The following CYP51A1 variants were observed in gnomAD, a reference collection of about 807,000 sequenced individuals.
CYP51A1 encodes the protein lanosterol 14-alpha demethylase.
CYP51A1 carries 45 observed loss-of-function variants against 53.5 expected under a neutral mutation model. That is an observed-to-expected ratio of 0.84 (90% CI 0.66 to 1.08). CYP51A1 has a LOEUF of 1.08. Ranked by LOEUF, CYP51A1 falls within the 50% of genes least tolerant of loss-of-function variation. The probability of loss-of-function intolerance (pLI) is 0.00; values close to 1 mark genes in which losing one functional copy is unlikely to be tolerated. For synonymous variants in CYP51A1, 181 were observed against 217.7 expected, an observed-to-expected ratio of 0.83 and a Z score of 1.48; for missense variants, 462 against 621.7, an observed-to-expected ratio of 0.74 and a Z score of 2.73.
At chr7:92,119,393 T>C (rs561317005) in intron 7 of CYP51A1, among the ~76,000 whole-genome samples, 1 of 152,316 alleles carries the variant, frequency 6.6e-6, no homozygotes, top group South Asian at 2.1e-4. Flanking sequence ...GGCAGACTTG[T>C]AACTGCCTGT....
chr7:92,119,297 A>G (rs1819638634), intron 7 of CYP51A1, among the ~76,000 whole-genome samples: 2 of 152,174 alleles, frequency 1.3e-5, no homozygotes, highest in Non-Finnish European at 1.5e-5. Flanking sequence ...GGCCACACAT[A>G]TGTATAAGAC....
rs868344904 is a variant in CYP51A1, at chr7:92,112,548, G to A, written c.*1117C>T. The A allele has an allele frequency of 3.3e-5, 5 of 152,212 alleles. No individual in the cohort carries two copies. Among genetic ancestry groups the A allele is most frequent in the South Asian group, 2.1e-4 (1 of 4,826 alleles). The allele number at this position is 152,212 out of a possible 1,614,324, so 9.4% of individuals were successfully genotyped here. On this transcript the variant is annotated 3_prime_UTR_variant, in exon 10 of 10. Transcript: ENST00000003100. ...TGGATTCTAGAGAGGAAGCAGGGAA[G>A]GCCAGGTGCGGTGGCTCATGCCTGT...
chr7:92,128,810 A>C (rs1819860531), intron 3 of CYP51A1, 70 bp downstream of exon 3: 1 of 1,322,666 alleles, frequency 7.6e-7, no homozygotes, highest in Non-Finnish European at 1.0e-6. Flanking sequence ...TTAAATGTAT[A>C]ATGTCTCACT....
chr7:92,119,940 G>A (rs531179258), intron 7 of CYP51A1, among the ~76,000 whole-genome samples: 32 of 152,092 alleles, frequency 2.1e-4, no homozygotes, highest in South Asian at 1.0e-3. Flanking sequence ...AGAAATTCAA[G>A]AACTGAGAAG....
intron 4 of CYP51A1, 86 bp from the exon 5 acceptor site, chr7:92,126,513 C>G: frequency 8.5e-7 from 1 of 1,179,662 alleles, no homozygotes; most frequent in Non-Finnish European, 1.2e-6. Flanking sequence ...CAAGAAGAAA[C>G]AAGATCCTAT....
In CYP51A1 at chr7:92,118,729, G is replaced by A; in HGVS notation, c.1087-114C>T. ...AGCTTGCATTCCAGCTAAAAGTACA[G>A]AGGTAACTGGTTCAGGGTGGCTGGG... On this transcript the variant is annotated intron_variant, in intron 7 of 9. Transcript: ENST00000003100. 4.6e-6 allele frequency: 3 copies of A among 655,896 alleles called. No individual in the cohort carries two copies. The South Asian group carries it at 5.1e-5, about 11-fold the overall frequency. The allele number at this position is 655,896 out of a possible 1,614,324, so 40.6% of individuals were successfully genotyped here.
At position 92,117,132 on chromosome 7, in the gene CYP51A1, C is replaced by T. The variant is rs141654764; in HGVS notation, c.1263G>A (p.Trp421Ter). 10 of 1,613,936 alleles carry T rather than the reference C, an allele frequency of 6.2e-6. No homozygotes were observed. In the African/African-American group the frequency reaches 1.2e-4, roughly 19 times the overall value. Reference protein sequence around the residue: ...PTVNQRLKDSWVERLDFNPDR... With the variant: ...PTVNQRLKDS Reference sequence around the variant, plus strand: ...CAGGATTAAAGTCCAGGCGTTCTACCCATGAGTCTTTAAGTCTTTGATTGA... The same window carrying T: ...CAGGATTAAAGTCCAGGCGTTCTACTCATGAGTCTTTAAGTCTTTGATTGA... Residue 421 changes from tryptophan (W) to a stop codon, truncating the protein, a stop_gained, in exon 9 of 10, where the codon TGG becomes TGA. Coordinates refer to ENST00000003100, the MANE Select transcript of CYP51A1 (RefSeq NM_000786.4). LOFTEE classifies it high-confidence loss of function.
chr7:92,129,985 G>C (rs536749120), intron 2 of CYP51A1, among the ~76,000 whole-genome samples: 8 of 152,130 alleles, frequency 5.3e-5, no homozygotes, highest in Non-Finnish European at 1.0e-4. Context: ...AAGCCATTTT[G>C]AGGAAGTTTT....
intron 2 of CYP51A1, among the ~76,000 whole-genome samples, chr7:92,130,410 A>G (rs1334830041): frequency 6.6e-6 from 1 of 152,214 alleles, no homozygotes; most frequent in Non-Finnish European, 1.5e-5. Context: ...TGTTATCATT[A>G]ATAAAAGTAT....
Position 92,134,348 on chromosome 7 carries a change from C to G in CYP51A1, c.17G>C (p.Gly6Ala). 1.3e-6 allele frequency: 2 copies of G among 1,582,320 alleles called. No homozygotes were observed. The change falls in exon 1 of 10, where the codon GGG becomes GCG. Residue 6 changes from glycine (G) to alanine (A), a missense_variant. By Grantham distance (60) the Gly-to-Ala change is moderately conservative (BLOSUM62 0). Coordinates refer to ENST00000003100, the MANE Select transcript of CYP51A1 (RefSeq NM_000786.4). ...CTGCAGCAAGCCCAGCAGCAGCATC[C>G]CAGCCGCCGCCGCCATTCACTCCGT... MAAAA[G>A]MLLLGLLQAG...
intron 3 of CYP51A1, among the ~76,000 whole-genome samples, chr7:92,128,465 T>TGTGTGC (rs1563181281): frequency 2.7e-5 from 4 of 146,056 alleles, no homozygotes; most frequent in Non-Finnish European, 4.6e-5. Flanking sequence ...TGCGCGTGCG[T>TGTGTGC]GTGTGTGTGT....
intron 3 of CYP51A1, among the ~76,000 whole-genome samples, chr7:92,128,301 G>C (rs2130954103): frequency 6.6e-6 from 1 of 152,240 alleles, no homozygotes; most frequent in Middle Eastern, 3.4e-3. Flanking sequence ...AGCCATGACA[G>C]CAAATATAAA....
At chr7:92,117,334 G>T in intron 8 of CYP51A1, 122 bp from the exon 9 acceptor site, 1 of 757,804 alleles carries the variant, frequency 1.3e-6, no homozygotes, top group Non-Finnish European at 2.1e-6. Context: ...ACTTATGATA[G>T]GTTTACATCC....
intron 1 of CYP51A1, among the ~76,000 whole-genome samples, chr7:92,133,957 G>T (rs1819982739): frequency 2.0e-5 from 3 of 152,198 alleles, no homozygotes; most frequent in African/African-American, 7.2e-5. Flanking sequence ...GCAATGGCGG[G>T]TGCTACAGCC....
rs115141387 is a variant in CYP51A1, at chr7:92,113,385, A to G, written c.*280T>C. 5.6e-3 allele frequency: 1,756 copies of G among 311,328 alleles called. 28 individuals are homozygous for G. Among genetic ancestry groups the G allele is most frequent in the African/African-American group, 0.036 (1,634 of 44,990 alleles). 19.3% of individuals were successfully genotyped at this position (311,328 alleles called of 1,614,324 possible). The stretch of plus-strand genomic sequence containing the variant: ...TTACTATCTGGAAATTATATTATTT[A>G]GAATCTGCCAATTACCTAGATCCCC... On this transcript the variant is annotated 3_prime_UTR_variant, in exon 10 of 10. Coordinates refer to ENST00000003100, the MANE Select transcript of CYP51A1 (RefSeq NM_000786.4).
At chr7:92,134,586 G>C, upstream of CYP51A1, 1 of 534,832 alleles carries the variant, frequency 1.9e-6, no homozygotes, top group Admixed American at 3.5e-5. Flanking sequence ...TGAAGCCGTG[G>C]TCTTCTTGCG....
intron 5 of CYP51A1, among the ~76,000 whole-genome samples, chr7:92,124,344 C>G (rs1819750909): frequency 6.6e-6 from 1 of 152,120 alleles, no homozygotes; most frequent in African/African-American, 2.4e-5. Flanking sequence ...ATTCAGAAAA[C>G]AAGCTTCAAC....
intron 1 of CYP51A1, among the ~76,000 whole-genome samples, chr7:92,133,662 T>G (rs1268941726): frequency 1.3e-5 from 2 of 152,138 alleles, no homozygotes; most frequent in Non-Finnish European, 2.9e-5. Context: ...AATATGGGTA[T>G]AAACCACCAT....
chr7:92,129,592 A>C (rs1819877543), intron 2 of CYP51A1, among the ~76,000 whole-genome samples: 1 of 152,144 alleles, frequency 6.6e-6, no homozygotes, highest in Non-Finnish European at 1.5e-5. Context: ...ATTTTATATT[A>C]ATTTGGTTAG....
Sources: allele counts gnomAD v4.1 joint callset (sites outside exome capture counted in the v4.1 genomes callset), GRCh38; gene constraint gnomAD v4.1.1; transcripts MANE v1.5; gene names NCBI Gene and HGNC (gene_info 2026-07-23, HGNC 2026-07-21).